The following HEATR4 variants were observed in gnomAD, a reference collection of about 807,000 sequenced individuals.
The protein encoded by HEATR4 is HEAT repeat-containing protein 4.
HEATR4 carries 95 observed loss-of-function variants against 108.8 expected under a neutral mutation model. That is an observed-to-expected ratio of 0.87 (90% CI 0.74 to 1.04). HEATR4 has a LOEUF of 1.04. Among genes scored for constraint, HEATR4 ranks in the 50% least tolerant of loss-of-function variants. The pLI, the probability that HEATR4 is intolerant of heterozygous loss-of-function variation, is 0.00. For synonymous variants in HEATR4, 443 were observed against 459.4 expected (o/e 0.96, Z 0.46); for missense variants, 1,152 against 1,253.8 (o/e 0.92, Z 1.23).
At chr14:73,482,602 A>T (rs1404574199) in intron 17 of HEATR4, among the ~76,000 whole-genome samples, 1 of 152,186 alleles carries the variant, frequency 6.6e-6, no homozygotes, top group South Asian at 2.1e-4. Context: ...ATAATATATG[A>T]TGGTTACATG....
chr14:73,495,863 C>T (rs1886081928), intron 15 of HEATR4, among the ~76,000 whole-genome samples: 1 of 152,066 alleles, frequency 6.6e-6, no homozygotes, highest in African/African-American at 2.4e-5. Context: ...CATGATGGCT[C>T]ATGCCTGTAA....
At chr14:73,573,667 A>G in the HEATR4 span, 2 of 1,546,930 alleles carry the variant, frequency 1.3e-6, no homozygotes, top group East Asian at 4.5e-5. Flanking sequence ...CACAGAAGTT[A>G]GCTCATTCAT....
chr14:73,502,965 C>A lies in HEATR4; in HGVS notation c.2035G>T (p.Glu679Ter). 6.2e-7 allele frequency: 1 copy of A among 1,614,142 alleles called. No homozygotes were observed. The highest frequency in any genetic ancestry group is 1.3e-5 in the African/African-American group (1 of 75,066). Residue 679 changes from glutamate to a stop codon, truncating the protein, a stop_gained, in exon 11 of 18, where the codon GAA (glutamate) becomes TAA (stop). Coordinates refer to ENST00000553558, the MANE Select transcript of HEATR4 (RefSeq NM_001220484.1). LOFTEE classifies it high-confidence loss of function. ...GCCTGTGCAGCTGCTCTCCTCACTTCCTTATTCCAGTCATTCCACATCAGC... is the reference window on the plus strand; with the variant it reads ...GCCTGTGCAGCTGCTCTCCTCACTTACTTATTCCAGTCATTCCACATCAGC... ...IQLMWNDWNKEVRRAAAQALG... is the reference protein window; with the variant it reads ...IQLMWNDWNK
At chr14:73,598,260 G>A in the HEATR4 span, among the ~76,000 whole-genome samples, 1 of 147,416 alleles carries the variant, frequency 6.8e-6, no homozygotes, top group African/African-American at 2.5e-5. Flanking sequence ...TGTGGTGGCA[G>A]GCGCCTGTAG....
chr14:73,496,116 C>T (rs889987084), intron 15 of HEATR4, among the ~76,000 whole-genome samples: 4 of 151,802 alleles, frequency 2.6e-5, no homozygotes, highest in Non-Finnish European at 4.4e-5. Context: ...GGCGACAGAG[C>T]GAGACTGTCC....
chr14:73,624,749 G>T, the HEATR4 span, among the ~76,000 whole-genome samples: 1 of 152,206 alleles, frequency 6.6e-6, no homozygotes, highest in African/African-American at 2.4e-5. Flanking sequence ...TTAGTAAGTA[G>T]TGCAGCCTGG....
chr14:73,491,419 G>C, intron 17 of HEATR4: 1 of 1,348,730 alleles, frequency 7.4e-7, no homozygotes, highest in Non-Finnish European at 9.4e-7. Context: ...GCCTGGTGGA[G>C]GTGCCCGCCG....
chr14:73,623,336 A>T, the HEATR4 span, among the ~76,000 whole-genome samples: 3 of 152,164 alleles, frequency 2.0e-5, no homozygotes, highest in Admixed American at 6.5e-5. Context: ...ACATTACGTG[A>T]TATAAAGGGT....
chr14:73,519,164 C>G lies in HEATR4; in HGVS notation c.1070-1G>C. ...ATCTGGTGGATGATCTGGACTTCAT[C>G]TGTGAACAGACAAAGAAACAATGAG... On this transcript the variant is annotated splice_acceptor_variant, in intron 4 of 17. Coordinates refer to ENST00000553558, the MANE Select transcript of HEATR4 (RefSeq NM_001220484.1). LOFTEE classifies it high-confidence loss of function. 6.2e-7 allele frequency: 1 copy of G among 1,610,800 alleles called. No homozygotes were observed. The highest frequency in any genetic ancestry group is 2.2e-5 in the East Asian group (1 of 44,756).
At chr14:73,629,056 C>A in the HEATR4 span, among the ~76,000 whole-genome samples, 24 of 136,788 alleles carry the variant, frequency 1.8e-4, no homozygotes, top group Admixed American at 1.5e-4. Context: ...AGTATGTTCC[C>A]AAAAAAAAAA....
At chr14:73,484,457 C>A (rs1322032709) in intron 17 of HEATR4, among the ~76,000 whole-genome samples, 1 of 152,142 alleles carries the variant, frequency 6.6e-6, no homozygotes, top group East Asian at 1.9e-4. Context: ...TGGCTCACTG[C>A]AACCTCTGTC....
rs181999966 is a variant in HEATR4, at chr14:73,555,017, T to A, written c.-152+3734A>T. On this transcript the variant is annotated intron_variant, in intron 1 of 17. Coordinates refer to ENST00000553558, the MANE Select transcript of HEATR4 (RefSeq NM_001220484.1). ...TTATGAAACCCCATTTATGATTTTT[T>A]AAATAAACTTGAAATAAAAATGATT... Among the ~76,000 whole-genome samples, 985 of 113,948 alleles carry A rather than the reference T, an allele frequency of 8.6e-3. 330 individuals are homozygous for A. Among genetic ancestry groups the A allele is most frequent in the Non-Finnish European group, 0.012 (606 of 52,058 alleles). The allele number at this position is 113,948 out of a possible 152,430, so 74.8% of individuals were successfully genotyped here. A position where few individuals can be genotyped will look rare whatever the true frequency, so the allele number is the denominator to read the frequency against.
At chr14:73,593,096 A>T in the HEATR4 span, among the ~76,000 whole-genome samples, 1 of 152,176 alleles carries the variant, frequency 6.6e-6, no homozygotes, top group Non-Finnish European at 1.5e-5. Context: ...TGAAGCTATT[A>T]CCATGTCGTC....
At chr14:73,574,877 T>C in the HEATR4 span, 1 of 1,612,842 alleles carries the variant, frequency 6.2e-7, no homozygotes, top group South Asian at 1.1e-5. Context: ...GTGGAATCAT[T>C]CTTCTTCTTT....
chr14:73,572,294 T>C, the HEATR4 span, among the ~76,000 whole-genome samples: 1 of 150,782 alleles, frequency 6.6e-6, no homozygotes, highest in African/African-American at 2.4e-5. Context: ...GTCAAAGTGA[T>C]TGAACTACAG....
At chr14:73,613,155 C>T in the HEATR4 span, 125 of 468,286 alleles carry the variant, frequency 2.7e-4, 2 homozygotes, top group East Asian at 4.4e-3. Context: ...GTCATGGATT[C>T]TGAGTCTGGG....
At chr14:73,591,013 CAGG>C in the HEATR4 span, among the ~76,000 whole-genome samples, 2 of 152,348 alleles carry the variant, frequency 1.3e-5, no homozygotes, top group South Asian at 2.1e-4. Flanking sequence ...ACTACAGAGG[CAGG>C]AGGATAGTTT....
rs376251702 is a variant in HEATR4 at position 73,492,620 on chromosome 14, C to G, written c.2844+446G>C. ...TCCAATTCGCTGGGAGGCTGGAGAA[C>G]CTGTAAACGTGGGGGCCCAGTTGAC... On this transcript the variant is annotated intron_variant, in intron 17 of 17. Coordinates refer to ENST00000553558, the MANE Select transcript of HEATR4 (RefSeq NM_001220484.1). The surrounding 1 kb of genome is among the most constrained non-coding windows in gnomAD (Gnocchi z 4.9). 2 of 1,613,708 alleles carry G rather than the reference C, an allele frequency of 1.2e-6. No homozygotes were observed. Among genetic ancestry groups the G allele is most frequent in the African/African-American group, 2.7e-5 (2 of 74,850 alleles).
intron 1 of HEATR4, among the ~76,000 whole-genome samples, chr14:73,538,992 AAAC>A (rs1888980492): frequency 1.7e-5 from 2 of 116,054 alleles, no homozygotes; most frequent in African/African-American, 2.8e-5. Flanking sequence ...AACAAAAAAC[AAAC>A]AACAACAACA....
Sources: allele counts gnomAD v4.1 joint callset (sites outside exome capture counted in the v4.1 genomes callset), GRCh38; gene constraint gnomAD v4.1.1; non-coding constraint Gnocchi (gnomAD v3.1); transcripts MANE v1.5; gene names NCBI Gene and HGNC (gene_info 2026-07-23, HGNC 2026-07-21).